LIMCH1: variants seen among roughly 807,000 people sequenced by gnomAD.
LIMCH1 encodes the protein LIM and calponin homology domains 1.
Under a neutral mutation model 176.5 loss-of-function variants are expected in LIMCH1, and 113 were observed. The ratio of observed to expected loss-of-function variants is 0.64; its 90% confidence interval spans 0.55 to 0.75. The LOEUF is 0.75. Ranked by LOEUF, LIMCH1 falls within the 30% of genes least tolerant of loss-of-function variation. The pLI, the probability that LIMCH1 is intolerant of heterozygous loss-of-function variation, is 0.00. For missense variants in LIMCH1, 1,674 were observed against 1,814.9 expected, an observed-to-expected ratio of 0.92 and a Z score of 1.41; for synonymous variants, 619 against 645.9, an observed-to-expected ratio of 0.96 and a Z score of 0.63.
intron 1 of LIMCH1, among the ~76,000 whole-genome samples, chr4:41,447,020 G>A (rs367649454): frequency 2.6e-5 from 4 of 152,170 alleles, no homozygotes; most frequent in Admixed American, 6.5e-5. Flanking sequence ...CTTGAGCCCA[G>A]GAGTTTGAGA....
chr4:41,382,537 A>G (rs1444656024), intron 1 of LIMCH1, among the ~76,000 whole-genome samples: 2 of 152,180 alleles, frequency 1.3e-5, no homozygotes, highest in African/African-American at 2.4e-5. Flanking sequence ...TGATGCATAC[A>G]TAAGGCCTGA....
chr4:41,384,021 A>T (rs1441044255), intron 1 of LIMCH1, among the ~76,000 whole-genome samples: 1 of 152,194 alleles, frequency 6.6e-6, no homozygotes, highest in Non-Finnish European at 1.5e-5. Flanking sequence ...CAATTGTCAA[A>T]TGCTGCCAGG....
intron 2 of LIMCH1, among the ~76,000 whole-genome samples, chr4:41,501,857 C>CTTTTTT (rs71198662): frequency 1.3e-5 from 1 of 74,984 alleles, no homozygotes; most frequent in African/African-American, 5.7e-5. Flanking sequence ...GTGTAGAATC[C>CTTTTTT]TTTTTTTTTT....
At chr4:41,371,674 C>G (rs1421472320) in intron 1 of LIMCH1, among the ~76,000 whole-genome samples, 1 of 152,194 alleles carries the variant, frequency 6.6e-6, no homozygotes, top group Non-Finnish European at 1.5e-5. Context: ...TCTACTGTGC[C>G]TGTTTCAATA....
chr4:41,376,146 T>C lies in LIMCH1; in HGVS notation c.96+15210T>C, dbSNP rs115624159. On this transcript the variant is annotated intron_variant, in intron 1 of 26. Coordinates refer to the LIMCH1 transcript ENST00000313860. ...TACTTTCTGAATGAAGACATTTCTG[T>C]CTTTTTTGTTAATAGAACGAAATGT... 3.4e-3 allele frequency among the ~76,000 whole-genome samples: 517 copies of C among 152,342 alleles called. 3 individuals are homozygous for C. The highest frequency in any genetic ancestry group is 0.012 in the African/African-American group (484 of 41,594).
intron 1 of LIMCH1, among the ~76,000 whole-genome samples, chr4:41,463,477 T>C (rs1476830849): frequency 6.6e-6 from 1 of 152,108 alleles, no homozygotes; most frequent in Non-Finnish European, 1.5e-5. Flanking sequence ...TCCTAGTCAA[T>C]TGTGACATGG....
chr4:41,630,221 C>G (rs1449807272), intron 9 of LIMCH1, among the ~76,000 whole-genome samples: 1 of 152,128 alleles, frequency 6.6e-6, no homozygotes, highest in Admixed American at 6.5e-5. Context: ...CCATATCAGC[C>G]TCCCAAAGTG....
intron 1 of LIMCH1, among the ~76,000 whole-genome samples, chr4:41,408,850 C>T (rs930273796): frequency 6.6e-6 from 1 of 152,266 alleles, no homozygotes; most frequent in East Asian, 1.9e-4. Context: ...TTGGCCCCAA[C>T]AAACTATTGC....
chr4:41,445,517 T>A (rs1561395349), intron 1 of LIMCH1, among the ~76,000 whole-genome samples: 2 of 152,198 alleles, frequency 1.3e-5, no homozygotes, highest in Non-Finnish European at 2.9e-5. Flanking sequence ...GTCCTCAAAT[T>A]TTTTGGCAAT....
intron 1 of LIMCH1, among the ~76,000 whole-genome samples, chr4:41,441,569 AAAATAT>A (rs2062706547): frequency 6.6e-6 from 1 of 152,198 alleles, no homozygotes; most frequent in African/African-American, 2.4e-5. Flanking sequence ...CTCAACGTCT[AAAATAT>A]GCATGGGATT....
At chr4:41,673,515 T>C (rs2095120164) in intron 22 of LIMCH1, among the ~76,000 whole-genome samples, 1 of 152,020 alleles carries the variant, frequency 6.6e-6, no homozygotes, top group Admixed American at 6.5e-5. Flanking sequence ...GAACAGAAAA[T>C]AAAAGAAACT....
chr4:41,692,205 C>A, intron 30 of LIMCH1, 77 bp from the exon 31 acceptor site: 1 of 854,060 alleles, frequency 1.2e-6, no homozygotes, highest in Non-Finnish European at 2.0e-6. Flanking sequence ...TTGTGCTATT[C>A]ACATAAACAG....
At chr4:41,595,817 C>G (rs931483771) in intron 1 of LIMCH1, among the ~76,000 whole-genome samples, 3 of 151,844 alleles carry the variant, frequency 2.0e-5, no homozygotes, top group Non-Finnish European at 4.4e-5. Flanking sequence ...CAGCACGTTG[C>G]AGGGCCAAGG....
intron 1 of LIMCH1, among the ~76,000 whole-genome samples, chr4:41,439,549 A>G (rs1294703098): frequency 6.6e-6 from 1 of 152,094 alleles, no homozygotes. Context: ...GTGCCATTGC[A>G]CTGCAGCCTG....
intron 1 of LIMCH1, among the ~76,000 whole-genome samples, chr4:41,415,210 A>C (rs1159435018): frequency 6.6e-6 from 1 of 152,082 alleles, no homozygotes; most frequent in Non-Finnish European, 1.5e-5. Flanking sequence ...CAGAGGGATT[A>C]ATTTCTGTTG....
intron 2 of LIMCH1, among the ~76,000 whole-genome samples, chr4:41,511,913 A>T (rs544284573): frequency 6.6e-6 from 1 of 152,228 alleles, no homozygotes; most frequent in Non-Finnish European, 1.5e-5. Context: ...AAAAATAAAT[A>T]AACTGGACTA....
At chr4:41,576,858 A>G (rs1051870846) in intron 1 of LIMCH1, among the ~76,000 whole-genome samples, 6 of 152,324 alleles carry the variant, frequency 3.9e-5, no homozygotes, top group Admixed American at 6.5e-5. Flanking sequence ...ATATTAAAAT[A>G]TGGAGGAGGA....
rs142458816 is a variant in LIMCH1, at chr4:41,596,283, G to A, written c.-240-2637G>A. Among the ~76,000 whole-genome samples the A allele has an allele frequency of 1.0e-4, 14 of 133,562 alleles. No homozygotes were observed. The East Asian group carries it at 2.7e-3, about 26-fold the overall frequency. The allele number at this position is 133,562 out of a possible 152,430, so 87.6% of individuals were successfully genotyped here. A position where few individuals can be genotyped will look rare whatever the true frequency, so the allele number is the denominator to read the frequency against. On this transcript the variant is annotated intron_variant, in intron 1 of 31. Coordinates refer to ENST00000503057, the MANE Select transcript of LIMCH1 (RefSeq NM_001330672.2). ...ACATCCACATGTACTTCTTCCACTG[G>A]CAATAAGAAAAGCAAAATTCCAGGG... is the stretch of plus-strand genomic sequence containing the variant.
intron 1 of LIMCH1, among the ~76,000 whole-genome samples, chr4:41,569,864 G>A (rs546791268): frequency 2.2e-4 from 34 of 152,210 alleles, no homozygotes; most frequent in African/African-American, 7.0e-4. Flanking sequence ...TCTGTTCCTC[G>A]TCATCATCAG....
Sources: gnomAD v4.1 joint callset for allele counts (sites outside exome capture counted in the v4.1 genomes callset) on GRCh38, gnomAD v4.1.1 for gene constraint, MANE v1.5 for transcripts, NCBI Gene and HGNC (gene_info 2026-07-23, HGNC 2026-07-21) for gene names.